The following FGD4 variants were observed in gnomAD, a reference collection of about 807,000 sequenced individuals.
FGD4 encodes the protein FYVE, RhoGEF and PH domain-containing protein 4.
In FGD4, 42 loss-of-function variants were observed where a neutral mutation model predicts 102.0. The ratio of observed to expected loss-of-function variants is 0.41; its 90% CI spans 0.32 to 0.53. The LOEUF (loss-of-function observed/expected upper bound fraction) is 0.53, where lower values mean the gene tolerates loss of function less well. FGD4 is among the 20% of genes least tolerant of loss of function. The pLI is 0.21. For missense variants in FGD4, 902 were observed against 1,078.2 expected, an observed-to-expected ratio of 0.84 and a Z score of 2.29; for synonymous variants, 380 against 375.7, an observed-to-expected ratio of 1.01 and a Z score of -0.13.
rs988034211 is a variant in FGD4, at chr12:32,616,032, C to A, written c.1750-3666C>A. ...AACAAGGCCTTAAGATGCCTAAAAT[C>A]AAAAATACTTAATAAAAAGACGTGC... On this transcript the variant is annotated intron_variant, in intron 10 of 16. Transcript: ENST00000534526. Among the ~76,000 whole-genome samples the A allele has an allele frequency of 2.8e-4, 43 of 152,070 alleles. 1 individual carries two copies. The highest frequency in any genetic ancestry group is 8.5e-4 in the African/African-American group (35 of 41,412).
intron 3 of FGD4, among the ~76,000 whole-genome samples, chr12:32,579,343 C>T (rs553557052): frequency 1.2e-4 from 18 of 152,192 alleles, no homozygotes; most frequent in African/African-American, 4.1e-4. Context: ...CGTGCCCGGC[C>T]GGAACATTGG....
intron 1 of FGD4, among the ~76,000 whole-genome samples, chr12:32,438,973 T>A (rs1398668186): frequency 2.0e-5 from 3 of 152,188 alleles, no homozygotes; most frequent in Admixed American, 2.0e-4. Flanking sequence ...AGTGTCTTCA[T>A]TTTTTGATCG....
chr12:32,421,284 C>T (rs1941616062), intron 1 of FGD4, among the ~76,000 whole-genome samples: 2 of 152,194 alleles, frequency 1.3e-5, no homozygotes, highest in South Asian at 4.1e-4. Context: ...CTACACCATT[C>T]ATATACTCGC....
chr12:32,524,649 A>T (rs562847115), intron 1 of FGD4, among the ~76,000 whole-genome samples: 1 of 152,074 alleles, frequency 6.6e-6, no homozygotes, highest in South Asian at 2.1e-4. Context: ...ACACAGGGAG[A>T]CTCTGACTCT....
At chr12:32,589,580 A>C (rs187558205) in intron 4 of FGD4, among the ~76,000 whole-genome samples, 1 of 152,212 alleles carries the variant, frequency 6.6e-6, no homozygotes, top group African/African-American at 2.4e-5. Flanking sequence ...TTTAATTTCT[A>C]TAAAACTCAA....
At chr12:32,542,756 C>G (rs770756654) in intron 1 of FGD4, among the ~76,000 whole-genome samples, 10 of 152,162 alleles carry the variant, frequency 6.6e-5, no homozygotes, top group Non-Finnish European at 1.2e-4. Context: ...TTCATTGTTA[C>G]AGAAGTTTCT....
Position 32,601,365 on chromosome 12 carries a change from A to G in FGD4, c.1189A>G (p.Ile397Val). The G allele has an allele frequency of 1.9e-6, 3 of 1,614,188 alleles. No homozygotes were observed. The highest frequency in any genetic ancestry group is 1.3e-5 in the African/African-American group (1 of 75,074). ...VNKIFSNISS[I>V]NAFHSKFLLP... Reference sequence around the variant, plus strand: ...TAAAATCTTTTCTAATATTTCATCAATAAATGCCTTCCATAGTAAATTCCT... The same window carrying G: ...TAAAATCTTTTCTAATATTTCATCAGTAAATGCCTTCCATAGTAAATTCCT... Residue 397 changes from isoleucine to valine, a missense_variant, in exon 6 of 17, where the codon ATA becomes GTA. Physicochemically the swap from Ile to Val is conservative, Grantham distance 29 (BLOSUM62 3). Coordinates refer to ENST00000534526, the MANE Select transcript of FGD4 (RefSeq NM_001370298.3).
chr12:32,570,389 C>T (rs6488066), intron 2 of FGD4, among the ~76,000 whole-genome samples: 34,906 of 151,670 alleles, frequency 0.23, 4,621 homozygotes, highest in African/African-American at 0.36. Flanking sequence ...ATCCTTTGGA[C>T]TGTTAGGTCT....
At position 32,544,875 on chromosome 12, in the gene FGD4, G is replaced by C. The variant is rs1457798316; in HGVS notation, c.167-19262G>C. 6.6e-6 allele frequency among the ~76,000 whole-genome samples: 1 copy of C among 152,166 alleles called. No individual in the cohort carries two copies. The highest frequency in any genetic ancestry group is 1.5e-5 in the Non-Finnish European group (1 of 68,040). ...CAAGCCTGTTAATAACACTAAGCAT[G>C]GTGACTCTCAACCATGACTGCACAG... On this transcript the variant is annotated intron_variant, in intron 1 of 16. Coordinates refer to ENST00000534526, the MANE Select transcript of FGD4 (RefSeq NM_001370298.3). The surrounding 1 kb of genome is among the most constrained non-coding windows in gnomAD (Gnocchi z 4.1).
intron 1 of FGD4, among the ~76,000 whole-genome samples, chr12:32,426,243 T>C (rs1049978217): frequency 1.3e-5 from 2 of 152,220 alleles, no homozygotes; most frequent in African/African-American, 4.8e-5. Context: ...ATTCCATCAA[T>C]ACCTAGTTTA....
At chr12:32,556,793 T>C (rs1944156627) in intron 1 of FGD4, 2 of 152,140 alleles carry the variant, frequency 1.3e-5, no homozygotes, top group Non-Finnish European at 1.5e-5. Flanking sequence ...CTGCTTCTAC[T>C]CTTTGACTAT....
At chr12:32,598,688 T>G in intron 5 of FGD4, 102 bp downstream of exon 5, 1 of 966,658 alleles carries the variant, frequency 1.0e-6, no homozygotes, top group South Asian at 1.4e-5. Flanking sequence ...AAGGGCCTGT[T>G]TTTGGCTAGT....
At chr12:32,400,953 GAT>G (rs1050572856) in intron 1 of FGD4, among the ~76,000 whole-genome samples, 3 of 152,186 alleles carry the variant, frequency 2.0e-5, no homozygotes, top group Non-Finnish European at 2.9e-5. Flanking sequence ...GAATTAAAAA[GAT>G]ATAACTACAG....
At chr12:32,499,723 A>G (rs1938045539) in intron 1 of FGD4, among the ~76,000 whole-genome samples, 1 of 152,210 alleles carries the variant, frequency 6.6e-6, no homozygotes. Context: ...TGTTCCTGAG[A>G]ATCTCTTCTC....
intron 2 of FGD4, among the ~76,000 whole-genome samples, chr12:32,574,546 C>T (rs566929136): frequency 6.6e-6 from 1 of 152,066 alleles, no homozygotes; most frequent in African/African-American, 2.4e-5. Context: ...GTTAATCACT[C>T]CCCCAAACAT....
chr12:32,586,707 C>G (rs1485844111), intron 4 of FGD4, among the ~76,000 whole-genome samples: 3 of 152,150 alleles, frequency 2.0e-5, no homozygotes, highest in African/African-American at 7.2e-5. Flanking sequence ...AAGGAAGATT[C>G]TGAGGACCTT....
chr12:32,600,329 A>G, intron 5 of FGD4: 1 of 516,976 alleles, frequency 1.9e-6, no homozygotes, highest in Non-Finnish European at 3.1e-6. Context: ...ACCTTTTAGA[A>G]TTCTAGAGTC....
chr12:32,487,750 A>G (rs781001774), intron 1 of FGD4, among the ~76,000 whole-genome samples: 14 of 152,192 alleles, frequency 9.2e-5, no homozygotes, highest in Non-Finnish European at 1.3e-4. Flanking sequence ...TATTTATAGA[A>G]ACAAGATTTT....
chr12:32,529,566 C>T (rs530317334), intron 1 of FGD4, among the ~76,000 whole-genome samples: 4 of 151,128 alleles, frequency 2.6e-5, no homozygotes, highest in East Asian at 2.0e-4. Flanking sequence ...CATTGCCGGC[C>T]GGGCACGGTA....
Sources: allele counts gnomAD v4.1 joint callset (sites outside exome capture counted in the v4.1 genomes callset), GRCh38; gene constraint gnomAD v4.1.1; non-coding constraint Gnocchi (gnomAD v3.1); transcripts MANE v1.5; gene names NCBI Gene and HGNC (gene_info 2026-07-23, HGNC 2026-07-21).